Variants in PTPN22 observed in about 807,000 individuals in gnomAD.
PTPN22 encodes the protein tyrosine-protein phosphatase non-receptor type 22.
PTPN22 carries 85 observed loss-of-function variants against 103.3 expected under a neutral mutation model. The ratio of observed to expected loss-of-function variants is 0.82; its 90% CI spans 0.69 to 0.99. PTPN22 has a LOEUF of 0.99. Ranked by LOEUF, PTPN22 falls within the 50% of genes least tolerant of loss-of-function variation. The pLI is 0.00. For synonymous variants in PTPN22, 323 were observed against 310.2 expected, an observed-to-expected ratio of 1.04 and a Z score of -0.43; for missense variants, 865 against 936.9, an observed-to-expected ratio of 0.92 and a Z score of 1.00.
At chr1:113,846,579 TC>T (rs1247633655) in intron 11 of PTPN22, among the ~76,000 whole-genome samples, 1 of 152,234 alleles carries the variant, frequency 6.6e-6, no homozygotes, top group Non-Finnish European at 1.5e-5. Flanking sequence ...TGTTCTTTCT[TC>T]CTTCTTTCAT....
At chr1:113,841,160 G>A (rs565270122) in intron 11 of PTPN22, among the ~76,000 whole-genome samples, 32 of 152,048 alleles carry the variant, frequency 2.1e-4, no homozygotes, top group African/African-American at 7.7e-4. Context: ...GGAGGTGGAG[G>A]TTCCAGTGAG....
chr1:113,825,197 G>GT (rs572544778), intron 18 of PTPN22, 25 bp from the exon 19 acceptor site: 116 of 1,409,068 alleles, frequency 8.2e-5, no homozygotes, highest in Middle Eastern at 1.9e-4. Flanking sequence ...AAAAATGTTA[G>GT]TTTTTTTTCC....
chr1:113,868,716 G>C (rs1236793581), intron 1 of PTPN22, among the ~76,000 whole-genome samples: 2 of 152,050 alleles, frequency 1.3e-5, no homozygotes, highest in African/African-American at 4.8e-5. Flanking sequence ...CCTTGGCCAG[G>C]GTAGGACAGG....
intron 11 of PTPN22, among the ~76,000 whole-genome samples, chr1:113,847,057 A>G (rs1215987643): frequency 4.6e-5 from 1 of 21,756 alleles, no homozygotes; most frequent in Non-Finnish European, 9.8e-5. Flanking sequence ...TTTTCAGTCT[A>G]TTTTATCACT....
rs760663313 is a variant in PTPN22 at position 113,837,841 on chromosome 1, G to C, written c.1559C>G (p.Ser520Cys). ...GTAAGAATATACACCAAGAGCACTA[G>C]AGTCATGGTGCTTTACATTAGAGGC... is the stretch of plus-strand genomic sequence containing the variant. Residue 520 changes from serine (S) to cysteine (C), a missense_variant, in exon 13 of 21, where the codon TCT becomes TGT. Ser to Cys is a moderately radical substitution (Grantham distance 112). Transcript: ENST00000359785. 1.4e-5 allele frequency: 23 copies of C among 1,613,636 alleles called. No individual in the cohort carries two copies. Among genetic ancestry groups the C allele is most frequent in the Non-Finnish European group, 1.9e-5 (22 of 1,179,572 alleles).
intron 9 of PTPN22, 44 bp from the exon 10 acceptor site, chr1:113,852,148 A>G (rs561686177): frequency 4.2e-6 from 6 of 1,420,918 alleles, no homozygotes; most frequent in East Asian, 2.4e-5. Context: ...TATTTTGTTA[A>G]TAAATTATTG....
intron 18 of PTPN22, among the ~76,000 whole-genome samples, chr1:113,828,826 G>A (rs533338081): frequency 8.5e-5 from 13 of 152,070 alleles, no homozygotes; most frequent in Middle Eastern, 6.8e-3. Flanking sequence ...TGGTAGAGAC[G>A]GGGTTTTGCC....
intron 11 of PTPN22, among the ~76,000 whole-genome samples, chr1:113,846,536 A>T (rs1664063977): frequency 6.6e-6 from 1 of 152,224 alleles, no homozygotes; most frequent in South Asian, 2.1e-4. Context: ...AGGAGAAGGA[A>T]AGTTTATTAT....
intron 16 of PTPN22, among the ~76,000 whole-genome samples, chr1:113,830,485 AAAG>A (rs1662457281): frequency 6.6e-6 from 1 of 152,178 alleles, no homozygotes; most frequent in East Asian, 1.9e-4. Flanking sequence ...AATATTAAAA[AAAG>A]AAGGGAGAAC....
chr1:113,851,707 C>T (rs1158165103), intron 10 of PTPN22, among the ~76,000 whole-genome samples: 7 of 152,106 alleles, frequency 4.6e-5, no homozygotes, highest in Non-Finnish European at 8.8e-5. Context: ...TTAACATGAC[C>T]TAGCTATTTC....
chr1:113,868,248 A>G (rs569494160), intron 1 of PTPN22, among the ~76,000 whole-genome samples: 1 of 152,260 alleles, frequency 6.6e-6, no homozygotes, highest in Admixed American at 6.5e-5. Context: ...GGAGAGGGTA[A>G]AGGGGTTAGG....
chr1:113,860,783 T>C (rs1219291031), intron 1 of PTPN22, among the ~76,000 whole-genome samples: 1 of 152,204 alleles, frequency 6.6e-6, no homozygotes, highest in Non-Finnish European at 1.5e-5. Flanking sequence ...CCAGAACAGT[T>C]TCTTCTAGGA....
intron 10 of PTPN22, among the ~76,000 whole-genome samples, chr1:113,851,384 C>T (rs2102061035): frequency 6.6e-6 from 1 of 152,160 alleles, no homozygotes; most frequent in East Asian, 1.9e-4. Flanking sequence ...AAACTCCTGA[C>T]CTCAGGTGAT....
At chr1:113,846,992 A>ATTTTTTTTTTT (rs778146828) in intron 11 of PTPN22, among the ~76,000 whole-genome samples, 1 of 76,116 alleles carries the variant, frequency 1.3e-5, no homozygotes, top group East Asian at 3.6e-4. Flanking sequence ...CCAATGCTAG[A>ATTTTTTTTTTT]TTTTTTTTTT....
intron 1 of PTPN22, among the ~76,000 whole-genome samples, chr1:113,865,803 G>A (rs1452659908): frequency 6.6e-6 from 1 of 152,112 alleles, no homozygotes; most frequent in East Asian, 1.9e-4. Flanking sequence ...TTTAACAATG[G>A]AGAAATAAAT....
chr1:113,866,146 T>A (rs776208503), intron 1 of PTPN22, among the ~76,000 whole-genome samples: 28 of 152,186 alleles, frequency 1.8e-4, no homozygotes, highest in Non-Finnish European at 3.5e-4. Flanking sequence ...AGTTTATATA[T>A]GAGTGTTTAG....
At chr1:113,869,773 G>A (rs1361262081) in intron 1 of PTPN22, among the ~76,000 whole-genome samples, 2 of 152,050 alleles carry the variant, frequency 1.3e-5, no homozygotes, top group African/African-American at 4.8e-5. Flanking sequence ...TTACATCTAT[G>A]CCTTGGGTTA....
chr1:113,830,474 A>C (rs1662455952), intron 16 of PTPN22, among the ~76,000 whole-genome samples: 1 of 152,180 alleles, frequency 6.6e-6, no homozygotes, highest in Non-Finnish European at 1.5e-5. Context: ...TTTAAAAAGA[A>C]AATATTAAAA....
Position 113,856,700 on chromosome 1 carries a change from C to A in PTPN22, c.409-81G>T, listed in dbSNP as rs193160021. On this transcript the variant is annotated intron_variant, in intron 5 of 20. Coordinates refer to ENST00000359785, the Ensembl canonical transcript of PTPN22. ...CTCTCTCATTTGGAAGCAAATTCAGCTCTATGTCCTTCACCTTAGGTTAGG... is the reference window on the plus strand; with the variant it reads ...CTCTCTCATTTGGAAGCAAATTCAGATCTATGTCCTTCACCTTAGGTTAGG... 1.3e-5 allele frequency: 21 copies of A among 1,589,500 alleles called. No homozygotes were observed. The East Asian group carries it at 4.3e-4, about 33-fold the overall frequency.
Sources: gnomAD v4.1 joint callset for allele counts (sites outside exome capture counted in the v4.1 genomes callset) on GRCh38, gnomAD v4.1.1 for gene constraint, MANE v1.5 for transcripts, NCBI Gene and HGNC (gene_info 2026-07-23, HGNC 2026-07-21) for gene names.